Variants in SPIDR observed in about 807,000 individuals in gnomAD.
SPIDR encodes scaffold protein involved in DNA repair.
Under a neutral mutation model 104.6 loss-of-function variants are expected in SPIDR, and 93 were observed. The ratio of observed to expected loss-of-function variants is 0.89; its 90% confidence interval spans 0.75 to 1.06. The LOEUF is 1.06. Ranked by LOEUF, SPIDR falls within the 50% of genes least tolerant of loss-of-function variation. The pLI is 0.00. For synonymous variants in SPIDR, 431 were observed against 416.9 expected, an observed-to-expected ratio of 1.03 and a Z score of -0.41; for missense variants, 1,154 against 1,111.2, an observed-to-expected ratio of 1.04 and a Z score of -0.55.
rs184760681 is a variant in SPIDR, at chr8:47,499,742, C to G, written c.1097+59200C>G. Among the ~76,000 whole-genome samples, 188 of 152,072 alleles carry G rather than the reference C, an allele frequency of 1.2e-3. 1 individual carries two copies. Among genetic ancestry groups the G allele is most frequent in the Admixed American group, 3.9e-4 (6 of 15,270 alleles). ...CATGTCGGTATGCTACACCCAGTAA[C>G]TCGTCATTTAACATTAGGTATATCT... On this transcript the variant is annotated intron_variant, in intron 8 of 19. Coordinates refer to ENST00000297423, the MANE Select transcript of SPIDR (RefSeq NM_001080394.4).
intron 8 of SPIDR, chr8:47,592,469 G>A (rs2061146508): frequency 1.4e-6 from 2 of 1,430,136 alleles, no homozygotes; most frequent in African/African-American, 2.8e-5. Flanking sequence ...CCCTCAAAGG[G>A]GGAAGGAATC....
At chr8:47,508,256 G>A in intron 8 of SPIDR, among the ~76,000 whole-genome samples, 1 of 152,182 alleles carries the variant, frequency 6.6e-6, no homozygotes, top group South Asian at 2.1e-4. Flanking sequence ...GCAAGATGGT[G>A]AAAGCAAGTA....
chr8:47,499,500 A>G (rs1586733149), intron 8 of SPIDR, among the ~76,000 whole-genome samples: 3 of 151,318 alleles, frequency 2.0e-5, no homozygotes, highest in South Asian at 2.1e-4. Flanking sequence ...ATTGAGCACC[A>G]TGACTTTCAG....
intron 5 of SPIDR, among the ~76,000 whole-genome samples, chr8:47,306,153 A>G (rs2043058391): frequency 6.6e-6 from 1 of 151,954 alleles, no homozygotes; most frequent in South Asian, 2.1e-4. Flanking sequence ...TTTTATTTTT[A>G]TTTTTTGAGA....
intron 5 of SPIDR, among the ~76,000 whole-genome samples, chr8:47,302,786 G>T (rs1490158645): frequency 3.3e-5 from 5 of 152,278 alleles, no homozygotes; most frequent in South Asian, 2.1e-4. Flanking sequence ...AAATGTTGCT[G>T]CCTGATCATT....
intron 7 of SPIDR, among the ~76,000 whole-genome samples, chr8:47,435,520 T>G (rs2068133521): frequency 6.6e-6 from 1 of 152,238 alleles, no homozygotes; most frequent in African/African-American, 2.4e-5. Flanking sequence ...GGATAGAAAT[T>G]ACTAGATCTC....
intron 10 of SPIDR, among the ~76,000 whole-genome samples, chr8:47,605,605 C>T (rs945574748): frequency 6.6e-6 from 1 of 152,106 alleles, no homozygotes; most frequent in Non-Finnish European, 1.5e-5. Context: ...TGGAATCAGA[C>T]TGGTGTGGGT....
chr8:47,467,927 G>T (rs1223468278), intron 8 of SPIDR, among the ~76,000 whole-genome samples: 3 of 152,180 alleles, frequency 2.0e-5, no homozygotes, highest in African/African-American at 7.2e-5. Context: ...ATTCCTGTTT[G>T]CAGAAGACAT....
In SPIDR at chr8:47,279,885, A is replaced by G; in HGVS notation, c.57A>G (p.Glu19=). 1 of 1,613,474 alleles carries G rather than the reference A, an allele frequency of 6.2e-7. No individual in the cohort carries two copies. The highest frequency in any genetic ancestry group is 8.5e-7 in the Non-Finnish European group (1 of 1,179,714). Residue 19 remains glutamate (E), a synonymous_variant, in exon 2 of 20, where the codon GAA becomes GAG. Transcript: ENST00000297423. ...AGAGAAAAAGGAGTTGGAATACAGA[A>G]TGCCCATCCTTTCCAGGAGAAAGAC... The part of the protein sequence containing the change: ...GSKRKRSWNT[E]CPSFPGERPL...
intron 5 of SPIDR, among the ~76,000 whole-genome samples, chr8:47,361,603 A>C (rs1381657079): frequency 2.0e-5 from 3 of 152,238 alleles, no homozygotes; most frequent in Non-Finnish European, 4.4e-5. Context: ...GCACATTCTC[A>C]GACGCTTCTG....
intron 5 of SPIDR, among the ~76,000 whole-genome samples, chr8:47,336,022 CATT>C (rs1287729459): frequency 9.2e-5 from 14 of 151,778 alleles, no homozygotes; most frequent in South Asian, 6.2e-4. Context: ...GATTCTCAGT[CATT>C]GTTGTTTCAA....
intron 1 of SPIDR, among the ~76,000 whole-genome samples, chr8:47,264,209 T>C (rs2033328500): frequency 1.3e-5 from 2 of 152,058 alleles, no homozygotes; most frequent in Non-Finnish European, 2.9e-5. Context: ...GAATTAGGAA[T>C]AGAATAGAAA....
At chr8:47,653,256 C>T (rs1278215776) in intron 10 of SPIDR, among the ~76,000 whole-genome samples, 2 of 152,194 alleles carry the variant, frequency 1.3e-5, no homozygotes, top group Non-Finnish European at 2.9e-5. Context: ...CATGGCACCA[C>T]CAAAACTTGC....
At chr8:47,600,266 T>C (rs889969491) in intron 10 of SPIDR, among the ~76,000 whole-genome samples, 1 of 152,130 alleles carries the variant, frequency 6.6e-6, no homozygotes, top group South Asian at 2.1e-4. Context: ...ATCCCAGCAC[T>C]TTGGGAGGAG....
At chr8:47,421,369 A>G (rs2065426160) in intron 7 of SPIDR, among the ~76,000 whole-genome samples, 1 of 151,998 alleles carries the variant, frequency 6.6e-6, no homozygotes, top group Non-Finnish European at 1.5e-5. Flanking sequence ...TTTATCTTCC[A>G]TCACTGATAC....
chr8:47,344,074 T>A (rs1158763777), intron 5 of SPIDR, among the ~76,000 whole-genome samples: 5 of 151,824 alleles, frequency 3.3e-5, no homozygotes, highest in African/African-American at 1.2e-4. Context: ...ACCCATTAAC[T>A]CGTCATCTAC....
At chr8:47,536,978 T>C (rs1387469415) in intron 8 of SPIDR, among the ~76,000 whole-genome samples, 1 of 152,226 alleles carries the variant, frequency 6.6e-6, no homozygotes, top group Non-Finnish European at 1.5e-5. Flanking sequence ...CTTGACATCA[T>C]GTGTCATCAG....
At chr8:47,507,913 T>G (rs1286080113) in intron 8 of SPIDR, among the ~76,000 whole-genome samples, 3 of 152,204 alleles carry the variant, frequency 2.0e-5, no homozygotes, top group Non-Finnish European at 4.4e-5. Flanking sequence ...CCCAGTTCAT[T>G]GGCCACATGA....
At chr8:47,456,123 G>T (rs1156295191) in intron 8 of SPIDR, among the ~76,000 whole-genome samples, 2 of 152,172 alleles carry the variant, frequency 1.3e-5, no homozygotes, top group Non-Finnish European at 1.5e-5. Context: ...ATTGAATTTT[G>T]TTCCCCTGCA....
Sources: gnomAD v4.1 joint callset for allele counts (sites outside exome capture counted in the v4.1 genomes callset) on GRCh38, gnomAD v4.1.1 for gene constraint, MANE v1.5 for transcripts, NCBI Gene and HGNC (gene_info 2026-07-23, HGNC 2026-07-21) for gene names.